The following DPP6 variants were observed in gnomAD, a reference collection of about 807,000 sequenced individuals.
DPP6 encodes A-type potassium channel modulatory protein DPP6.
A neutral mutation model predicts 122.6 loss-of-function variants in DPP6; 69 were observed. That is an observed-to-expected ratio of 0.56 (90% confidence interval 0.46 to 0.69). The LOEUF is 0.69. DPP6 is among the 30% of genes least tolerant of loss of function. The probability of loss-of-function intolerance (pLI) is 0.00; values close to 1 mark genes in which losing one functional copy is unlikely to be tolerated. For synonymous variants in DPP6, 418 were observed against 433.1 expected (o/e 0.97, Z 0.43); for missense variants, 928 against 1,116.9 (o/e 0.83, Z 2.41).
intron 1 of DPP6, among the ~76,000 whole-genome samples, chr7:154,164,538 G>C (rs1452169542): frequency 6.6e-6 from 1 of 152,050 alleles, no homozygotes; most frequent in Non-Finnish European, 1.5e-5. Flanking sequence ...TATTTTCAGA[G>C]AATTGTGGAA....
intron 1 of DPP6, among the ~76,000 whole-genome samples, chr7:153,928,162 T>A (rs1314255550): frequency 6.6e-6 from 1 of 151,732 alleles, no homozygotes; most frequent in African/African-American, 2.4e-5. Context: ...AAGTCCAAGA[T>A]CAAGGTGCCA....
the DPP6 span, among the ~76,000 whole-genome samples, chr7:153,767,557 T>G: frequency 8.6e-5 from 13 of 151,390 alleles, no homozygotes; most frequent in Non-Finnish European, 1.3e-4. Context: ...TTTTGTATTT[T>G]TACTAGAGAC....
At chr7:154,119,346 C>G (rs1585415237) in intron 1 of DPP6, among the ~76,000 whole-genome samples, 1 of 152,278 alleles carries the variant, frequency 6.6e-6, no homozygotes, top group East Asian at 1.9e-4. Context: ...TTTATTCACT[C>G]AAACTAGTAA....
the DPP6 span, among the ~76,000 whole-genome samples, chr7:153,781,016 A>G: frequency 3.3e-5 from 5 of 152,226 alleles, no homozygotes; most frequent in East Asian, 1.9e-4. Context: ...TTTCCCTGAC[A>G]TATTTATTAT....
At chr7:154,411,432 G>A (rs1321812106) in intron 1 of DPP6, among the ~76,000 whole-genome samples, 2 of 152,082 alleles carry the variant, frequency 1.3e-5, no homozygotes, top group Non-Finnish European at 2.9e-5. Flanking sequence ...GTAGAGAAGG[G>A]ATCTCACTAT....
At chr7:154,035,598 T>C (rs1799477235) in intron 1 of DPP6, among the ~76,000 whole-genome samples, 1 of 151,798 alleles carries the variant, frequency 6.6e-6, no homozygotes, top group Non-Finnish European at 1.5e-5. Flanking sequence ...GAAATCCATC[T>C]CTCTTTATTG....
At chr7:154,222,661 T>TAAATA (rs906732158) in intron 1 of DPP6, among the ~76,000 whole-genome samples, 15 of 148,976 alleles carry the variant, frequency 1.0e-4, no homozygotes, top group South Asian at 2.1e-4. Context: ...GTCTCAAAAA[T>TAAATA]AAATAAAATA....
chr7:154,805,205 C>T (rs1407073317), intron 15 of DPP6, among the ~76,000 whole-genome samples: 1 of 152,234 alleles, frequency 6.6e-6, no homozygotes, highest in Non-Finnish European at 1.5e-5. Flanking sequence ...CCCTGTCACC[C>T]ACTTGCCTCT....
At chr7:153,778,050 GC>G in the DPP6 span, among the ~76,000 whole-genome samples, 1 of 148,284 alleles carries the variant, frequency 6.7e-6, no homozygotes, top group South Asian at 2.1e-4. Flanking sequence ...GATACTATAA[GC>G]CCAAAGGCAA....
chr7:154,759,546 C>G (rs759461367), intron 8 of DPP6, among the ~76,000 whole-genome samples: 7 of 152,234 alleles, frequency 4.6e-5, no homozygotes, highest in Non-Finnish European at 1.0e-4. Context: ...TCTCCCTGAG[C>G]CTTATGCAAA....
At chr7:154,422,970 GC>G (rs1443555764) in intron 1 of DPP6, among the ~76,000 whole-genome samples, 1 of 152,104 alleles carries the variant, frequency 6.6e-6, no homozygotes, top group East Asian at 1.9e-4. Context: ...CTGTGTTGAA[GC>G]CCCCCATCTC....
intron 2 of DPP6, among the ~76,000 whole-genome samples, chr7:154,473,710 A>C (rs1031782580): frequency 6.6e-6 from 1 of 152,216 alleles, no homozygotes; most frequent in African/African-American, 2.4e-5. Flanking sequence ...TAAAACACAA[A>C]ATTAAAAGAG....
chr7:153,968,028 T>C (rs986444483), intron 1 of DPP6, among the ~76,000 whole-genome samples: 1 of 150,740 alleles, frequency 6.6e-6, no homozygotes, highest in African/African-American at 2.5e-5. Flanking sequence ...AACATATGCA[T>C]ACACGTATCT....
chr7:153,883,972 T>C (rs988288716), upstream of DPP6, among the ~76,000 whole-genome samples: 22 of 152,298 alleles, frequency 1.4e-4, no homozygotes, highest in East Asian at 3.3e-3. Flanking sequence ...TGTCTGCTAA[T>C]AGGGTTATTT....
chr7:154,365,803 C>T (rs766582224), intron 1 of DPP6, among the ~76,000 whole-genome samples: 2 of 151,906 alleles, frequency 1.3e-5, no homozygotes, highest in African/African-American at 2.4e-5. Context: ...CTAAAAATAC[C>T]AAAAATTAGC....
In DPP6 at chr7:154,801,590, GGCAGGGCAGGGCATGGC is replaced by G. The variant is rs1186694560; in HGVS notation, c.1407+131_1407+147del. The G allele has an allele frequency of 4.6e-6, 6 of 1,316,360 alleles. No homozygotes were observed. In the African/African-American group the frequency reaches 8.9e-5, roughly 20 times the overall value. 81.5% of individuals were successfully genotyped at this position (1,316,360 alleles called of 1,614,324 possible). On this transcript the variant is annotated intron_variant, in intron 13 of 25. Coordinates refer to ENST00000377770, the MANE Select transcript of DPP6 (RefSeq NM_130797.4). Reference sequence around the variant, plus strand: ...AAGGAATCTGAAGGTGGTTCCCGAAGGCAGGGCAGGGCATGGCGCTGGTGAGTGCAGAGGTTCCCATC... The same window carrying G: ...AAGGAATCTGAAGGTGGTTCCCGAAGGCTGGTGAGTGCAGAGGTTCCCATC...
the DPP6 span, among the ~76,000 whole-genome samples, chr7:153,783,660 T>C: frequency 1.3e-5 from 2 of 152,226 alleles, no homozygotes; most frequent in African/African-American, 4.8e-5. Flanking sequence ...CAAACCCTTT[T>C]AAAATGACAA....
chr7:154,449,420 C>G (rs1038500754), intron 2 of DPP6, among the ~76,000 whole-genome samples: 2 of 151,888 alleles, frequency 1.3e-5, no homozygotes, highest in African/African-American at 4.8e-5. Context: ...CAAACACAAA[C>G]AAAAAATGGA....
intron 1 of DPP6, among the ~76,000 whole-genome samples, chr7:154,373,795 C>G (rs1044115748): frequency 1.3e-5 from 2 of 152,172 alleles, no homozygotes; most frequent in African/African-American, 4.8e-5. Flanking sequence ...CCATTCCCTC[C>G]TCCCGCAGCC....
Sources: gnomAD v4.1 joint callset for allele counts (sites outside exome capture counted in the v4.1 genomes callset) on GRCh38, gnomAD v4.1.1 for gene constraint, MANE v1.5 for transcripts, NCBI Gene and HGNC (gene_info 2026-07-23, HGNC 2026-07-21) for gene names.